The following COL5A2 variants were observed in gnomAD, a reference collection of about 807,000 sequenced individuals.
The protein encoded by COL5A2 is collagen alpha-2(V) chain.
COL5A2 carries 23 observed loss-of-function variants against 208.2 expected under a neutral mutation model. The observed-to-expected ratio is 0.11, with a 90% CI of 0.08 to 0.16. COL5A2 has a LOEUF of 0.16. COL5A2 is among the 10% of genes least tolerant of loss of function. COL5A2 has a pLI of 1.00. For synonymous variants in COL5A2, 625 were observed against 628.5 expected, an observed-to-expected ratio of 0.99 and a Z score of 0.08; for missense variants, 1,590 against 1,956.4, an observed-to-expected ratio of 0.81 and a Z score of 3.53.
rs1332796013 is a variant in COL5A2 at position 189,063,973 on chromosome 2, T to C, written c.1770+7A>G. 1 of 1,610,302 alleles carries C rather than the reference T, an allele frequency of 6.2e-7. No homozygotes were observed. The highest frequency in any genetic ancestry group is 8.5e-7 in the Non-Finnish European group (1 of 1,177,084). ...AGTGGTTGTGGACTTCTGTTTAAAT[T>C]ACTTACCAAAGGTCCAAGTTTTCCT... On this transcript the variant is annotated splice_region_variant and intron_variant, in intron 26 of 53. Transcript: ENST00000374866.
At chr2:189,409,094 G>A in the COL5A2 span, among the ~76,000 whole-genome samples, 6 of 151,178 alleles carry the variant, frequency 4.0e-5, no homozygotes, top group African/African-American at 9.7e-5. Flanking sequence ...GAAAATCACC[G>A]TAGGTTTTTG....
chr2:189,410,994 C>A, the COL5A2 span, among the ~76,000 whole-genome samples: 4 of 152,068 alleles, frequency 2.6e-5, no homozygotes, highest in Non-Finnish European at 5.9e-5. Context: ...TCCTTTCTTT[C>A]TAGTCTCAGC....
chr2:189,179,647 A>G lies in COL5A2; in HGVS notation c.-43T>C. 6.4e-7 allele frequency: 1 copy of G among 1,568,802 alleles called. No homozygotes were observed. The highest frequency in any genetic ancestry group is 8.7e-7 in the Non-Finnish European group (1 of 1,154,834). ...GTGGGTTCTCCTGAGAGTGAAAAGT[A>G]GATTCTGAGGTTATTGTAGCACCAT... On this transcript the variant is annotated 5_prime_UTR_variant, in exon 1 of 54. Transcript: ENST00000374866.
At chr2:189,249,953 A>G in the COL5A2 span, among the ~76,000 whole-genome samples, 2 of 152,188 alleles carry the variant, frequency 1.3e-5, no homozygotes, top group Non-Finnish European at 2.9e-5. Context: ...CGGCCTCGGC[A>G]TCTCAAAGTG....
chr2:189,243,254 G>A, the COL5A2 span, among the ~76,000 whole-genome samples: 1 of 151,912 alleles, frequency 6.6e-6, no homozygotes, highest in Non-Finnish European at 1.5e-5. Flanking sequence ...GACAGAAGGT[G>A]ATTATCATTT....
chr2:189,351,720 A>G, the COL5A2 span, among the ~76,000 whole-genome samples: 4 of 152,214 alleles, frequency 2.6e-5, no homozygotes, highest in African/African-American at 7.2e-5. Context: ...GAAAACACAC[A>G]GTAAATTAAT....
chr2:189,129,493 G>A (rs1339323009), intron 1 of COL5A2, among the ~76,000 whole-genome samples: 2 of 151,984 alleles, frequency 1.3e-5, no homozygotes, highest in Non-Finnish European at 2.9e-5. Flanking sequence ...AGAAAATGGT[G>A]TAAATAAAAT....
the COL5A2 span, among the ~76,000 whole-genome samples, chr2:189,418,146 ATAAACAATTT>A: frequency 6.6e-6 from 1 of 152,294 alleles, no homozygotes; most frequent in South Asian, 2.1e-4. Context: ...AAACACATGG[ATAAACAATTT>A]GTAAAAGAAG....
intron 1 of COL5A2, among the ~76,000 whole-genome samples, chr2:189,221,951 T>C (rs935901390): frequency 6.6e-6 from 1 of 152,130 alleles, no homozygotes; most frequent in Non-Finnish European, 1.5e-5. Context: ...ATATTTGTCT[T>C]CTGAAATATG....
At chr2:189,049,314 C>T in intron 44 of COL5A2, 33 bp downstream of exon 44, 1 of 1,442,238 alleles carries the variant, frequency 6.9e-7, no homozygotes, top group Non-Finnish European at 9.7e-7. Flanking sequence ...CACCAGATAA[C>T]AAGAGAAGAG....
At chr2:189,435,663 A>G in the COL5A2 span, among the ~76,000 whole-genome samples, 1 of 152,220 alleles carries the variant, frequency 6.6e-6, no homozygotes, top group Non-Finnish European at 1.5e-5. Flanking sequence ...CAATCATTAA[A>G]AAGTCAGGAA....
At chr2:189,268,661 G>C in the COL5A2 span, among the ~76,000 whole-genome samples, 1 of 151,556 alleles carries the variant, frequency 6.6e-6, no homozygotes, top group African/African-American at 2.4e-5. Flanking sequence ...ACACAAAAAA[G>C]CACTTCATCT....
At position 189,068,070 on chromosome 2, in the gene COL5A2, G is replaced by C; in HGVS notation, c.1346C>G (p.Pro449Arg). The C allele has an allele frequency of 6.2e-7, 1 of 1,614,048 alleles. No individual in the cohort carries two copies. The highest frequency in any genetic ancestry group is 1.3e-5 in the African/African-American group (1 of 75,028). The change falls in exon 21 of 54, where the codon CCT becomes CGT. Residue 449 changes from proline (P) to arginine (R), a missense_variant. Transcript: ENST00000374866. ...TSGPPGSAGP[P>R]GSPGPQGSTG... ...GCTACCCTGAGGTCCTGGAGATCCA[G>C]GAGGCCCTGCTGAGCCAGGAGGACC... is the stretch of plus-strand genomic sequence containing the variant.
In COL5A2 at chr2:189,139,889, A is replaced by G. The variant is rs146105127; in HGVS notation, c.98-29440T>C. 6.3e-3 allele frequency among the ~76,000 whole-genome samples: 956 copies of G among 152,202 alleles called. 15 individuals are homozygous for G. The highest frequency in any genetic ancestry group is 0.02 in the African/African-American group (844 of 41,542). ...GGAATTCGAGACTAGCCTGGCCAATATGGTGGCACCCCGTCTCTACTAAAA... is the reference window on the plus strand; with the variant it reads ...GGAATTCGAGACTAGCCTGGCCAATGTGGTGGCACCCCGTCTCTACTAAAA... On this transcript the variant is annotated intron_variant, in intron 1 of 53. Transcript: ENST00000374866.
chr2:189,091,031 A>C (rs888471517), intron 7 of COL5A2, among the ~76,000 whole-genome samples: 4 of 152,224 alleles, frequency 2.6e-5, no homozygotes, highest in African/African-American at 9.6e-5. Flanking sequence ...TAAATTGAGA[A>C]TCTTCTGGAA....
intron 1 of COL5A2, among the ~76,000 whole-genome samples, chr2:189,114,107 A>G (rs1366094404): frequency 6.6e-6 from 1 of 152,162 alleles, no homozygotes; most frequent in Non-Finnish European, 1.5e-5. Context: ...GAGAATTTAT[A>G]ATTAAATTTA....
chr2:189,338,313 G>A, the COL5A2 span, among the ~76,000 whole-genome samples: 2 of 152,040 alleles, frequency 1.3e-5, no homozygotes, highest in African/African-American at 4.8e-5. Context: ...GACCAACACT[G>A]CCAAGTCACC....
chr2:189,387,013 C>T, the COL5A2 span, among the ~76,000 whole-genome samples: 4 of 152,032 alleles, frequency 2.6e-5, no homozygotes. Flanking sequence ...ATACATGCAC[C>T]CATATGTTCA....
the COL5A2 span, among the ~76,000 whole-genome samples, chr2:189,259,429 C>T: frequency 1.3e-5 from 2 of 152,166 alleles, no homozygotes; most frequent in Admixed American, 6.6e-5. Context: ...CCAAGACAGC[C>T]TCAATTTTAA....
Sources: allele counts gnomAD v4.1 joint callset (sites outside exome capture counted in the v4.1 genomes callset), GRCh38; gene constraint gnomAD v4.1.1; transcripts MANE v1.5; gene names NCBI Gene and HGNC (gene_info 2026-07-23, HGNC 2026-07-21).